The following GALNTL6 variants were observed in gnomAD, a reference collection of about 807,000 sequenced individuals.
GALNTL6 encodes the protein polypeptide N-acetylgalactosaminyltransferase like 6.
Under a neutral mutation model 73.7 loss-of-function variants are expected in GALNTL6, and 46 were observed. The observed-to-expected ratio is 0.62, with a 90% CI of 0.49 to 0.80. The LOEUF (loss-of-function observed/expected upper bound fraction) is 0.80, where lower values mean the gene tolerates loss of function less well. GALNTL6 is among the 30% of genes least tolerant of loss of function. GALNTL6 has a pLI of 0.00. For synonymous variants in GALNTL6, 259 were observed against 263.7 expected, an observed-to-expected ratio of 0.98 and a Z score of 0.17; for missense variants, 604 against 755.0, an observed-to-expected ratio of 0.80 and a Z score of 2.34.
At chr4:172,758,263 G>A (rs902408808) in intron 5 of GALNTL6, among the ~76,000 whole-genome samples, 27 of 152,252 alleles carry the variant, frequency 1.8e-4, no homozygotes, top group African/African-American at 3.6e-4. Flanking sequence ...GGCCAGGTGC[G>A]GTGGCTCATG....
At chr4:171,998,276 A>C (rs941939414) in intron 2 of GALNTL6, among the ~76,000 whole-genome samples, 2 of 152,136 alleles carry the variant, frequency 1.3e-5, no homozygotes, top group African/African-American at 4.8e-5. Context: ...AGAAAGAGAG[A>C]TCTATTTTAA....
intron 5 of GALNTL6, among the ~76,000 whole-genome samples, chr4:172,589,510 A>T (rs966819658): frequency 6.6e-6 from 1 of 152,186 alleles, no homozygotes; most frequent in African/African-American, 2.4e-5. Flanking sequence ...GACTAACATG[A>T]TGAGGCTCTG....
intron 2 of GALNTL6, among the ~76,000 whole-genome samples, chr4:172,148,629 C>T (rs1411716850): frequency 6.6e-6 from 1 of 152,170 alleles, no homozygotes; most frequent in East Asian, 1.9e-4. Context: ...TGTTATATCT[C>T]ACCTGCCTTA....
chr4:172,363,104 T>A (rs1417915146), intron 5 of GALNTL6, among the ~76,000 whole-genome samples: 2 of 152,168 alleles, frequency 1.3e-5, no homozygotes, highest in Non-Finnish European at 2.9e-5. Context: ...CTTGATGAGT[T>A]CTCTAGTTCA....
At chr4:172,912,039 A>G (rs1747229490) in intron 8 of GALNTL6, among the ~76,000 whole-genome samples, 1 of 152,182 alleles carries the variant, frequency 6.6e-6, no homozygotes, top group Admixed American at 6.5e-5. Context: ...ATGAAATATA[A>G]TCTAATCATG....
chr4:172,553,629 C>G (rs1736041228), intron 5 of GALNTL6, among the ~76,000 whole-genome samples: 3 of 152,070 alleles, frequency 2.0e-5, no homozygotes, highest in Admixed American at 1.3e-4. Flanking sequence ...AATTCTGATT[C>G]ATCATAACAC....
intron 4 of GALNTL6, among the ~76,000 whole-genome samples, chr4:172,329,748 A>G (rs1337822911): frequency 6.6e-6 from 1 of 152,112 alleles, no homozygotes; most frequent in Non-Finnish European, 1.5e-5. Context: ...AAGGCTGTGA[A>G]GCAGCAAAGA....
At chr4:171,905,029 A>T (rs866218194) in intron 2 of GALNTL6, among the ~76,000 whole-genome samples, 30 of 152,320 alleles carry the variant, frequency 2.0e-4, no homozygotes, top group Middle Eastern at 3.4e-3. Flanking sequence ...GATACGAGCC[A>T]CTGCAAAATC....
At chr4:172,537,609 A>C (rs1030727020) in intron 5 of GALNTL6, among the ~76,000 whole-genome samples, 1 of 152,178 alleles carries the variant, frequency 6.6e-6, no homozygotes, top group Non-Finnish European at 1.5e-5. Context: ...CAGCATGAGA[A>C]CAGACTAATA....
intron 2 of GALNTL6, among the ~76,000 whole-genome samples, chr4:172,152,714 T>G (rs916742256): frequency 2.0e-5 from 3 of 152,186 alleles, no homozygotes; most frequent in Non-Finnish European, 4.4e-5. Context: ...GCTGGAGTGC[T>G]CCTCCCAGCT....
intron 5 of GALNTL6, among the ~76,000 whole-genome samples, chr4:172,387,486 T>A (rs1469214157): frequency 6.6e-6 from 1 of 152,142 alleles, no homozygotes; most frequent in Non-Finnish European, 1.5e-5. Context: ...TCTGTCCTTT[T>A]GGATTAGAAG....
At chr4:172,716,037 G>A (rs1314663792) in intron 5 of GALNTL6, among the ~76,000 whole-genome samples, 1 of 152,186 alleles carries the variant, frequency 6.6e-6, no homozygotes, top group Non-Finnish European at 1.5e-5. Context: ...TTCCACAACT[G>A]TAGCAATTTG....
intron 3 of GALNTL6, 68 bp from the exon 4 acceptor site, chr4:172,311,546 C>T (rs1740359259): frequency 7.5e-7 from 1 of 1,339,388 alleles, no homozygotes; most frequent in Non-Finnish European, 1.0e-6. Context: ...TTCCAGTCTT[C>T]CTATCTGTTC....
intron 5 of GALNTL6, among the ~76,000 whole-genome samples, chr4:172,659,278 A>G (rs1039422734): frequency 2.6e-5 from 4 of 152,120 alleles, no homozygotes; most frequent in African/African-American, 9.7e-5. Flanking sequence ...TTTATAGGGT[A>G]CATGTGATAG....
At chr4:172,641,023 T>G (rs1442545733) in intron 5 of GALNTL6, among the ~76,000 whole-genome samples, 1 of 152,054 alleles carries the variant, frequency 6.6e-6, no homozygotes, top group African/African-American at 2.4e-5. Flanking sequence ...CAAAAAACCT[T>G]AGAATCCTCC....
At chr4:173,004,469 A>G (rs1213626676) in intron 10 of GALNTL6, among the ~76,000 whole-genome samples, 1 of 152,110 alleles carries the variant, frequency 6.6e-6, no homozygotes, top group South Asian at 2.1e-4. Context: ...TCTACTAAAA[A>G]TACAAAATTA....
At chr4:172,435,701 T>C (rs568157542) in intron 5 of GALNTL6, among the ~76,000 whole-genome samples, 32 of 152,142 alleles carry the variant, frequency 2.1e-4, no homozygotes, top group Non-Finnish European at 3.8e-4. Flanking sequence ...TTTAATAAAT[T>C]ATATTAGTTA....
At chr4:172,878,559 T>C (rs1268469215) in intron 7 of GALNTL6, among the ~76,000 whole-genome samples, 6 of 151,602 alleles carry the variant, frequency 4.0e-5, no homozygotes, top group African/African-American at 9.7e-5. Context: ...TATCGCAACA[T>C]AAATTGCAAT....
intron 5 of GALNTL6, among the ~76,000 whole-genome samples, chr4:172,484,458 G>A (rs1372745285): frequency 6.6e-6 from 1 of 151,174 alleles, no homozygotes; most frequent in Non-Finnish European, 1.5e-5. Context: ...GACTGAAAGT[G>A]CTGGTTGGAA....
Sources: allele counts gnomAD v4.1 joint callset (sites outside exome capture counted in the v4.1 genomes callset), GRCh38; gene constraint gnomAD v4.1.1; transcripts MANE v1.5; gene names NCBI Gene and HGNC (gene_info 2026-07-23, HGNC 2026-07-21).